The following SLC41A1 variants were observed in gnomAD, a reference collection of about 807,000 sequenced individuals.
SLC41A1 encodes solute carrier family 41 member 1.
Under a neutral mutation model 47.3 loss-of-function variants are expected in SLC41A1, and 20 were observed. The observed-to-expected ratio is 0.42, with a 90% CI of 0.30 to 0.61. The LOEUF (loss-of-function observed/expected upper bound fraction) is 0.61. Ranked by LOEUF, SLC41A1 falls within the 20% of genes least tolerant of loss-of-function variation. The pLI is 0.17. For synonymous variants in SLC41A1, 282 were observed against 272.7 expected, an observed-to-expected ratio of 1.03 and a Z score of -0.34; for missense variants, 504 against 674.1, an observed-to-expected ratio of 0.75 and a Z score of 2.79.
chr1:205,796,160 C>T (rs1255527970), intron 8 of SLC41A1: 2 of 160,436 alleles, frequency 1.2e-5, no homozygotes, highest in African/African-American at 2.4e-5. Flanking sequence ...AGCAGGCAAC[C>T]AGAGGGCAGG....
chr1:205,795,016 C>A lies in SLC41A1; in HGVS notation c.1210G>T (p.Val404Leu). 6.2e-7 allele frequency: 1 copy of A among 1,613,890 alleles called. No homozygotes were observed. Among genetic ancestry groups the A allele is most frequent in the Admixed American group, 1.7e-5 (1 of 60,016 alleles). The change falls in exon 10 of 11, where the codon GTG (valine) becomes TTG (leucine). Residue 404 changes from valine (V) to leucine (L), a missense_variant and splice_region_variant. Val to Leu is a conservative substitution (Grantham distance 32). Transcript: ENST00000367137. ...SPCTTFFSPD[V>L]NSRSARVLFL... ...AGGACCCGGGCTGAGCGAGAATTCACATCTGGAATTGGGGAAAAGAGGGTG... is the reference window on the plus strand; with the variant it reads ...AGGACCCGGGCTGAGCGAGAATTCAAATCTGGAATTGGGGAAAAGAGGGTG...
At position 205,810,051 on chromosome 1, in the gene SLC41A1, T is replaced by C. The variant is rs373567491; in HGVS notation, c.372+19A>G. ...TGGCCCTGGGCTCACAGTCAAGAGC[T>C]GCCCTACTCAGGTCCTACCTGCACG... On this transcript the variant is annotated intron_variant, in intron 2 of 10. Transcript: ENST00000367137. This position sits in a 1 kb window ranked among gnomAD's most constrained non-coding sequence, Gnocchi z 5.5. The C allele has an allele frequency of 5.6e-6, 9 of 1,614,104 alleles. No homozygotes were observed. The East Asian group carries it at 1.8e-4, about 32-fold the overall frequency.
intron 2 of SLC41A1, among the ~76,000 whole-genome samples, chr1:205,802,859 A>G (rs193029887): frequency 6.6e-6 from 1 of 152,080 alleles, no homozygotes; most frequent in East Asian, 1.9e-4. Flanking sequence ...CCAGAAAATA[A>G]TCAGTGTTAG....
intron 8 of SLC41A1, 41 bp downstream of exon 8, chr1:205,796,883 C>A: frequency 1.9e-6 from 3 of 1,590,296 alleles, no homozygotes; most frequent in Non-Finnish European, 2.6e-6. Flanking sequence ...CCCTTTCCTT[C>A]CCCCAGCCCT....
Position 205,802,203 on chromosome 1 carries a change from A to G in SLC41A1, c.373-1143T>C, listed in dbSNP as rs75974666. The stretch of plus-strand genomic sequence containing the variant: ...TCTGCGTATCATGGCTGGGAGGCCA[A>G]GCACTATGTTTGGCAAGGGCACTGG... On this transcript the variant is annotated intron_variant, in intron 2 of 10. Transcript: ENST00000367137. Among the ~76,000 whole-genome samples the G allele has an allele frequency of 3.0e-3, 454 of 152,220 alleles. 1 individual carries two copies. Among genetic ancestry groups the G allele is most frequent in the Non-Finnish European group, 3.5e-3 (239 of 68,006 alleles).
In SLC41A1 at chr1:205,791,483, A is replaced by C. The variant is rs775905242; in HGVS notation, c.*50T>G. On this transcript the variant is annotated 3_prime_UTR_variant, in exon 11 of 11. Transcript: ENST00000367137. The surrounding 1 kb of genome is among the most constrained non-coding windows in gnomAD (Gnocchi z 4.0). ...AGGAGGGACAGGGGAACAAAAGAAA[A>C]ATTTCAAATAGAAAGTGCAGAGGGA... The C allele has an allele frequency of 1.5e-4, 243 of 1,612,696 alleles. No individual in the cohort carries two copies. The highest frequency in any genetic ancestry group is 2.0e-4 in the Non-Finnish European group (234 of 1,179,182).
rs1247612505 is a variant in SLC41A1 at position 205,790,629 on chromosome 1, G to A, written c.*904C>T. On this transcript the variant is annotated 3_prime_UTR_variant, in exon 11 of 11. Transcript: ENST00000367137. ...TCCAAACCATTCTCCACATACCCAT[G>A]ACCTGACCCTAATCTCAAAACCCAA... The A allele has an allele frequency of 6.6e-6, 1 of 152,222 alleles. No individual in the cohort carries two copies. The allele number at this position is 152,222 out of a possible 1,614,324, so 9.4% of individuals were successfully genotyped here.
At position 205,794,971 on chromosome 1, in the gene SLC41A1, C is replaced by T; in HGVS notation, c.1255G>A (p.Gly419Arg). The change falls in exon 10 of 11, where the codon GGA (glycine) becomes AGA (arginine). Residue 419 changes from glycine (G) to arginine (R), a missense_variant. Gly to Arg is a moderately radical substitution (Grantham distance 125). Around this residue, in one of 2 missense-constraint regions of SLC41A1, gnomAD observed 421 missense variants for 601.6 expected, o/e 0.70. Coordinates refer to ENST00000367137, the MANE Select transcript of SLC41A1 (RefSeq NM_173854.6). ...ATGGTGTAGAGGAACACCAGGTGTC[C>T]TGGGACCACGAGGAGGAAGAGGACC... ...ARVLFLLVVP[G>R]HLVFLYTISC... is the part of the protein sequence containing the mutation. 1.2e-6 allele frequency: 2 copies of T among 1,614,074 alleles called. No homozygotes were observed. The highest frequency in any genetic ancestry group is 1.7e-6 in the Non-Finnish European group (2 of 1,180,014).
At chr1:205,806,111 C>A (rs1316472581) in intron 2 of SLC41A1, among the ~76,000 whole-genome samples, 2 of 152,232 alleles carry the variant, frequency 1.3e-5, no homozygotes, top group Non-Finnish European at 2.9e-5. Flanking sequence ...TTCCAAAAGG[C>A]ATCCTCTAGG....
chr1:205,800,589 G>T (rs1227787600), intron 3 of SLC41A1, among the ~76,000 whole-genome samples: 3 of 152,192 alleles, frequency 2.0e-5, no homozygotes, highest in African/African-American at 7.2e-5. Context: ...GCAAAGCAGG[G>T]GCTGGAGATC....
intron 2 of SLC41A1, among the ~76,000 whole-genome samples, chr1:205,807,459 G>T (rs1656038792): frequency 6.6e-6 from 1 of 152,138 alleles, no homozygotes; most frequent in African/African-American, 2.4e-5. Flanking sequence ...TGGGGATGGG[G>T]CAACACATCA....
rs1256245798 is a variant in SLC41A1 at position 205,810,434 on chromosome 1, G to C, written c.8C>G (p.Ser3Cys). The stretch of plus-strand genomic sequence containing the variant: ...GTGGACGTCCTTCGGCTCTGGCTTA[G>C]AGGACATGACAGGCACGGAGGAGGG... MS[S>C]KPEPKDVHQL... The change falls in exon 2 of 11, where the codon TCT becomes TGT. Residue 3 changes from serine to cysteine, a missense_variant. By Grantham distance (112) the Ser-to-Cys change is moderately radical. This residue lies in a region of SLC41A1 where 83 missense variants were observed against 72.5 expected (regional missense o/e 1.15). Transcript: ENST00000367137. The surrounding 1 kb of genome is among the most constrained non-coding windows in gnomAD (Gnocchi z 5.5). 1.2e-6 allele frequency: 2 copies of C among 1,614,266 alleles called. No individual in the cohort carries two copies. The highest frequency in any genetic ancestry group is 3.3e-5 in the Admixed American group (2 of 60,034).
rs1216539333 is a variant in SLC41A1 at position 205,789,114 on chromosome 1, T to C, written c.*2419A>G. The C allele has an allele frequency of 6.6e-6, 1 of 152,220 alleles. No individual in the cohort carries two copies. Among genetic ancestry groups the C allele is most frequent in the African/African-American group, 2.4e-5 (1 of 41,438 alleles). 9.4% of individuals were successfully genotyped at this position (152,220 alleles called of 1,614,324 possible). A position where few individuals can be genotyped will look rare whatever the true frequency, so the allele number is the denominator to read the frequency against. On this transcript the variant is annotated 3_prime_UTR_variant, in exon 11 of 11. Coordinates refer to ENST00000367137, the MANE Select transcript of SLC41A1 (RefSeq NM_173854.6). ...ACCATCTAAATAAACGTCCTCTTTA[T>C]TTTACCAAATATAATTTATCAGTTA...
Position 205,813,078 on chromosome 1 carries a change from G to C in SLC41A1, c.-917C>G. The stretch of plus-strand genomic sequence containing the variant: ...GGCAGGATATATCGCTTCGGGCCCG[G>C]CGGGGGGGCACCCGGACGGGGGACC... On this transcript the variant is annotated 5_prime_UTR_variant, in exon 1 of 11. Coordinates refer to ENST00000367137, the MANE Select transcript of SLC41A1 (RefSeq NM_173854.6). The C allele has an allele frequency of 3.0e-6, 3 of 985,508 alleles. No homozygotes were observed. Among genetic ancestry groups the C allele is most frequent in the Non-Finnish European group, 3.6e-6 (3 of 829,990 alleles). 61.0% of individuals were successfully genotyped at this position (985,508 alleles called of 1,614,324 possible).
At position 205,810,259 on chromosome 1, in the gene SLC41A1, C is replaced by T. The variant is rs1231698488; in HGVS notation, c.183G>A (p.Arg61=). 1.9e-6 allele frequency: 3 copies of T among 1,614,080 alleles called. No individual in the cohort carries two copies. The Admixed American group carries it at 5.0e-5, about 27-fold the overall frequency. Residue 61 remains arginine (R), a synonymous_variant, in exon 2 of 11, where the codon CGG becomes CGA. Transcript: ENST00000367137. The surrounding 1 kb of genome is among the most constrained non-coding windows in gnomAD (Gnocchi z 5.5). ...CGTTCTCCAGCAGGGCGTCCTCCTC[C>T]CGAACCCCCTTGGCGTTGGCCCGAG... The part of the protein sequence containing the change: ...IESRANAKGV[R]EEDALLENGS...
Position 205,799,780 on chromosome 1 carries a change from A to G in SLC41A1, c.531T>C (p.Thr177=), listed in dbSNP as rs781704776. ...DTPKELWRMI[T]GNMALIQVQA... ...TTACCTGGATGAGGGCCATGTTCCC[A>G]GTGATCATCCGCCAGAGCTCCTTGG... Residue 177 remains threonine, a synonymous_variant, in exon 4 of 11, where the codon ACT becomes ACC. Coordinates refer to ENST00000367137, the MANE Select transcript of SLC41A1 (RefSeq NM_173854.6). The G allele has an allele frequency of 3.1e-6, 5 of 1,614,124 alleles. No individual in the cohort carries two copies.
In SLC41A1 at chr1:205,791,178, T is replaced by A; in HGVS notation, c.*355A>T. 3.3e-6 allele frequency: 1 copy of A among 306,552 alleles called. No homozygotes were observed. The highest frequency in any genetic ancestry group is 6.2e-6 in the Non-Finnish European group (1 of 160,044). 19.0% of individuals were successfully genotyped at this position (306,552 alleles called of 1,614,324 possible). On this transcript the variant is annotated 3_prime_UTR_variant, in exon 11 of 11. Coordinates refer to ENST00000367137, the MANE Select transcript of SLC41A1 (RefSeq NM_173854.6). The surrounding 1 kb of genome is among the most constrained non-coding windows in gnomAD (Gnocchi z 4.0). ...AAATCCAGAGCCCACTTACAAAGGG[T>A]TTCTCATTAGGGCCAAGACAGGTTG...
intron 1 of SLC41A1, among the ~76,000 whole-genome samples, chr1:205,811,681 T>C (rs930171868): frequency 2.6e-5 from 4 of 152,194 alleles, no homozygotes; most frequent in Non-Finnish European, 4.4e-5. Flanking sequence ...GAGGACTCCC[T>C]GGGCAGTGGG....
chr1:205,797,013 C>T lies in SLC41A1; in HGVS notation c.993-10G>A, dbSNP rs1655766108. 8 of 1,575,616 alleles carry T rather than the reference C, an allele frequency of 5.1e-6. No homozygotes were observed. Among genetic ancestry groups the T allele is most frequent in the Non-Finnish European group, 6.9e-6 (8 of 1,162,864 alleles). ...GATGAGGCCTCCCACACTATAGAGA[C>T]ATAAAGACAAAATGACGCAAAGACC... On this transcript the variant is annotated splice_polypyrimidine_tract_variant and intron_variant, in intron 7 of 10. Transcript: ENST00000367137.
Sources: gnomAD v4.1 joint callset for allele counts (sites outside exome capture counted in the v4.1 genomes callset) on GRCh38, gnomAD v4.1.1 for gene constraint, gnomAD v4.1.1 regional missense constraint, Gnocchi (gnomAD v3.1) non-coding constraint, MANE v1.5 for transcripts, NCBI Gene and HGNC (gene_info 2026-07-23, HGNC 2026-07-21) for gene names.